SYNE2: variants seen among roughly 807,000 people sequenced by gnomAD.
SYNE2 encodes the protein nesprin-2.
A neutral mutation model predicts 856.3 loss-of-function variants in SYNE2; 431 were observed. That is an observed-to-expected ratio of 0.50 (90% CI 0.47 to 0.55). SYNE2 has a LOEUF of 0.55. Ranked by LOEUF, SYNE2 falls within the 20% of genes least tolerant of loss-of-function variation. The pLI is 0.00. For synonymous variants in SYNE2, 2,923 were observed against 2,872.3 expected, an observed-to-expected ratio of 1.02 and a Z score of -0.56; for missense variants, 8,129 against 8,023.2, an observed-to-expected ratio of 1.01 and a Z score of -0.50.
intron 99 of SYNE2, among the ~76,000 whole-genome samples, chr14:64,194,670 C>T (rs978216532): frequency 1.3e-5 from 2 of 152,218 alleles, no homozygotes; most frequent in Non-Finnish European, 2.9e-5. Flanking sequence ...AACTAAATTA[C>T]AGAAGGTGTC....
chr14:63,821,039 G>A (rs909019931), intron 1 of SYNE2, among the ~76,000 whole-genome samples: 2 of 152,004 alleles, frequency 1.3e-5, no homozygotes, highest in Non-Finnish European at 2.9e-5. Context: ...ACTGCACCCG[G>A]CCAGGAGAAC....
chr14:64,106,135 C>A lies in SYNE2; in HGVS notation c.12493-1356C>A, dbSNP rs1035264833. On this transcript the variant is annotated intron_variant, in intron 64 of 115. Coordinates refer to ENST00000555002, the MANE Select transcript of SYNE2 (RefSeq NM_182914.3). ...ATACATGGAATTGCATTTCCAGACCCCCCCCCCCAACCAACACACAAGCTG... is the reference window on the plus strand; with the variant it reads ...ATACATGGAATTGCATTTCCAGACCACCCCCCCCAACCAACACACAAGCTG... Among the ~76,000 whole-genome samples the A allele has an allele frequency of 2.1e-3, 305 of 142,442 alleles. 1 individual carries two copies. The highest frequency in any genetic ancestry group is 6.8e-3 in the African/African-American group (264 of 38,990). The allele number at this position is 142,442 out of a possible 152,430, so 93.4% of individuals were successfully genotyped here.
At chr14:63,923,473 C>T (rs1282742997) in intron 2 of SYNE2, among the ~76,000 whole-genome samples, 2 of 152,214 alleles carry the variant, frequency 1.3e-5, no homozygotes, top group Non-Finnish European at 2.9e-5. Flanking sequence ...AAATAACAAA[C>T]TCCTGCTCCC....
intron 45 of SYNE2, among the ~76,000 whole-genome samples, chr14:64,041,578 C>T (rs996160018): frequency 4.6e-5 from 7 of 152,160 alleles, no homozygotes; most frequent in African/African-American, 1.4e-4. Context: ...GCCAGGTGCT[C>T]TGGCTCATGC....
At chr14:64,012,381 GTTA>G (rs1290346484) in intron 32 of SYNE2, among the ~76,000 whole-genome samples, 1 of 152,016 alleles carries the variant, frequency 6.6e-6, no homozygotes, top group Non-Finnish European at 1.5e-5. Flanking sequence ...ATTCTTTTCT[GTTA>G]TTAAAGTAGC....
In SYNE2 at chr14:64,137,953, G is replaced by A. The variant is rs1403961708; in HGVS notation, c.14813G>A (p.Arg4938Lys). Reference sequence around the variant, plus strand: ...AAGAAAATTGACCATGAGCTCCACAGGCTGCAAGCTCTTCTCAAGCATCTG... The same window carrying A: ...AAGAAAATTGACCATGAGCTCCACAAGCTGCAAGCTCTTCTCAAGCATCTG... Reference protein sequence around the residue: ...LNKKIDHELHRLQALLKHLLS... With the variant: ...LNKKIDHELHKLQALLKHLLS... Residue 4938 changes from arginine to lysine, a missense_variant, in exon 79 of 116, where the codon AGG becomes AAG. Arg to Lys is a conservative substitution (Grantham distance 26). Around this residue, in one of 3 missense-constraint regions of SYNE2, gnomAD observed 5,410 missense variants for 5,284.8 expected, o/e 1.02. Transcript: ENST00000555002. The A allele has an allele frequency of 1.2e-6, 2 of 1,614,070 alleles. No homozygotes were observed. The highest frequency in any genetic ancestry group is 1.7e-6 in the Non-Finnish European group (2 of 1,179,974).
At chr14:64,224,917 T>A in intron 114 of SYNE2, 82 bp from the exon 115 acceptor site, 2 of 1,338,594 alleles carry the variant, frequency 1.5e-6, no homozygotes, top group South Asian at 2.4e-5. Context: ...GTATATAATT[T>A]AAGGGAGGAT....
In SYNE2 at chr14:64,113,336, C is replaced by G. The variant is rs746686637; in HGVS notation, c.12610-5C>G. 1.8e-5 allele frequency: 29 copies of G among 1,613,584 alleles called. No individual in the cohort carries two copies. The highest frequency in any genetic ancestry group is 2.4e-5 in the Non-Finnish European group (28 of 1,180,030). Reference sequence around the variant, plus strand: ...CTCCCTGGCTTATCTTTGGATTTCTCTTAGGGCACCACACCTCCTATTGAG... The same window carrying G: ...CTCCCTGGCTTATCTTTGGATTTCTGTTAGGGCACCACACCTCCTATTGAG... On this transcript the variant is annotated splice_region_variant and splice_polypyrimidine_tract_variant and intron_variant, in intron 65 of 115. Transcript: ENST00000555002.
intron 87 of SYNE2, among the ~76,000 whole-genome samples, chr14:64,161,155 G>A (rs1320911784): frequency 6.6e-6 from 1 of 151,996 alleles, no homozygotes; most frequent in Non-Finnish European, 1.5e-5. Flanking sequence ...ACCAGCCTGG[G>A]TAGCATGGTG....
chr14:63,828,512 G>A (rs1301156799), intron 1 of SYNE2, among the ~76,000 whole-genome samples: 2 of 151,630 alleles, frequency 1.3e-5, no homozygotes, highest in Admixed American at 1.3e-4. Context: ...GGTGGCAGGT[G>A]CCTGTAATCC....
intron 2 of SYNE2, among the ~76,000 whole-genome samples, chr14:63,940,076 T>TTTC (rs943115671): frequency 2.0e-5 from 3 of 150,992 alleles, no homozygotes; most frequent in Admixed American, 2.0e-4. Context: ...GTTCATTTTT[T>TTTC]TTTTTTTTTT....
chr14:64,097,369 G>A (rs1268395541), intron 61 of SYNE2, among the ~76,000 whole-genome samples: 1 of 152,024 alleles, frequency 6.6e-6, no homozygotes, highest in Non-Finnish European at 1.5e-5. Flanking sequence ...TAATACCAAA[G>A]AAGCCTTCAA....
At chr14:64,067,135 A>G (rs888987930) in intron 51 of SYNE2, among the ~76,000 whole-genome samples, 3 of 152,248 alleles carry the variant, frequency 2.0e-5, no homozygotes, top group Admixed American at 2.0e-4. Context: ...AGAACTTTCT[A>G]ATTATTCACA....
chr14:63,885,609 A>G (rs1047049819), intron 1 of SYNE2, among the ~76,000 whole-genome samples: 2 of 150,782 alleles, frequency 1.3e-5, no homozygotes, highest in African/African-American at 2.4e-5. Context: ...TAATTTCGAT[A>G]TATTTTTTTT....
rs72720367 is a variant in SYNE2 at position 64,185,411 on chromosome 14, C to G, written c.17557-1013C>G. 1.2e-3 allele frequency among the ~76,000 whole-genome samples: 185 copies of G among 151,942 alleles called. 1 individual carries two copies. Among genetic ancestry groups the G allele is most frequent in the Non-Finnish European group, 2.1e-3 (140 of 67,998 alleles). ...AGACTCTTGAGTGTTCTGGTTGTTT[C>G]CTTTTACCTTCCCTGCTGTGAAAGT... On this transcript the variant is annotated intron_variant, in intron 96 of 115. Coordinates refer to ENST00000555002, the MANE Select transcript of SYNE2 (RefSeq NM_182914.3).
At chr14:63,921,983 G>A (rs1391681728) in intron 2 of SYNE2, among the ~76,000 whole-genome samples, 3 of 152,184 alleles carry the variant, frequency 2.0e-5, no homozygotes, top group African/African-American at 7.2e-5. Flanking sequence ...CCAAGACATA[G>A]TAGGCTTTCA....
chr14:63,936,965 AAGGG>A (rs1275749402), intron 2 of SYNE2, among the ~76,000 whole-genome samples: 1 of 152,154 alleles, frequency 6.6e-6, no homozygotes, highest in Non-Finnish European at 1.5e-5. Flanking sequence ...ACGTGAGAGA[AAGGG>A]AGGAGGCAAC....
intron 96 of SYNE2, among the ~76,000 whole-genome samples, chr14:64,185,276 A>G (rs1052440859): frequency 6.6e-6 from 1 of 151,994 alleles, no homozygotes; most frequent in African/African-American, 2.4e-5. Context: ...AAAAAAAATA[A>G]AAATTAAAAA....
chr14:64,019,652 T>A (rs768550609), intron 34 of SYNE2, among the ~76,000 whole-genome samples: 1 of 152,206 alleles, frequency 6.6e-6, no homozygotes, highest in Non-Finnish European at 1.5e-5. Flanking sequence ...TCCGTGTGTG[T>A]GTGTGTATGT....
Sources: gnomAD v4.1 joint callset for allele counts (sites outside exome capture counted in the v4.1 genomes callset) on GRCh38, gnomAD v4.1.1 for gene constraint, gnomAD v4.1.1 regional missense constraint, MANE v1.5 for transcripts, NCBI Gene and HGNC (gene_info 2026-07-23, HGNC 2026-07-21) for gene names.